Variants in CSMD1 observed in about 807,000 individuals in gnomAD.
The protein encoded by CSMD1 is CUB and Sushi multiple domains 1, also known as CUB and sushi domain-containing protein 1.
In CSMD1, 213 loss-of-function variants were observed where a neutral mutation model predicts 417.5. The observed-to-expected ratio is 0.51, with a 90% CI of 0.46 to 0.57. The LOEUF is 0.57. CSMD1 is among the 20% of genes least tolerant of loss of function. CSMD1 has a pLI of 0.00. For missense variants in CSMD1, 6,923 were observed against 4,529.7 expected (o/e 1.53, Z -15.17); for synonymous variants, 2,862 against 1,736.8 (o/e 1.65, Z -16.11).
rs369089330 is a variant in CSMD1 at position 3,229,985 on chromosome 8, C to A, written c.4345+55G>T. 1.3e-5 allele frequency: 17 copies of A among 1,271,316 alleles called. No individual in the cohort carries two copies. The African/African-American group carries it at 2.3e-4, about 17-fold the overall frequency. 78.8% of individuals were successfully genotyped at this position (1,271,316 alleles called of 1,614,324 possible). ...TAATACATTTACGGAGCGCTTTTAA[C>A]GACAACATGCATCCATTCCTGAATA... On this transcript the variant is annotated intron_variant, in intron 27 of 69. Transcript: ENST00000635120.
intron 5 of CSMD1, among the ~76,000 whole-genome samples, chr8:3,923,315 T>C (rs1278301528): frequency 6.6e-6 from 1 of 152,198 alleles, no homozygotes; most frequent in African/African-American, 2.4e-5. Flanking sequence ...GGAGTTTATG[T>C]ATGTATATAT....
intron 18 of CSMD1, chr8:3,375,049 G>C (rs1215643886): frequency 1.3e-5 from 2 of 152,202 alleles, no homozygotes; most frequent in African/African-American, 2.4e-5. Context: ...TGATACACCT[G>C]CTAGCTCCCT....
At chr8:4,118,074 T>G (rs1432735399) in intron 3 of CSMD1, among the ~76,000 whole-genome samples, 2 of 151,922 alleles carry the variant, frequency 1.3e-5, no homozygotes, top group African/African-American at 4.8e-5. Flanking sequence ...ACATCGGCCA[T>G]ATGATTAGAC....
At chr8:4,668,636 G>C (rs573491413) in intron 1 of CSMD1, among the ~76,000 whole-genome samples, 68 of 151,764 alleles carry the variant, frequency 4.5e-4, no homozygotes, top group Non-Finnish European at 8.1e-4. Flanking sequence ...ATTTTTAGTA[G>C]AGATGGGGTT....
chr8:3,495,367 T>G (rs974071698), intron 10 of CSMD1, among the ~76,000 whole-genome samples: 3 of 152,184 alleles, frequency 2.0e-5, no homozygotes, highest in Admixed American at 6.5e-5. Flanking sequence ...GATAATTCAT[T>G]AAGGTTTGTG....
At chr8:3,178,566 T>A (rs550792547) in intron 37 of CSMD1, among the ~76,000 whole-genome samples, 1 of 152,164 alleles carries the variant, frequency 6.6e-6, no homozygotes, top group Non-Finnish European at 1.5e-5. Flanking sequence ...ATGCCATCTG[T>A]TATTAACAGT....
At chr8:3,405,400 C>A (rs575720837) in intron 15 of CSMD1, among the ~76,000 whole-genome samples, 5 of 152,132 alleles carry the variant, frequency 3.3e-5, no homozygotes, top group Admixed American at 2.0e-4. Context: ...GTAACCAGAA[C>A]AGAAATATGA....
At chr8:4,824,142 G>C (rs1799679899) in intron 1 of CSMD1, among the ~76,000 whole-genome samples, 2 of 151,256 alleles carry the variant, frequency 1.3e-5, no homozygotes, top group Non-Finnish European at 3.0e-5. Context: ...GTAAGGAAAT[G>C]GGGAAAAACA....
At chr8:3,318,866 G>A (rs1805960551) in intron 23 of CSMD1, among the ~76,000 whole-genome samples, 1 of 152,118 alleles carries the variant, frequency 6.6e-6, no homozygotes, top group Middle Eastern at 3.2e-3. Flanking sequence ...CTTTCCACGG[G>A]GCAGGTGGGT....
At chr8:4,744,174 C>T (rs1475127948) in intron 1 of CSMD1, among the ~76,000 whole-genome samples, 2 of 151,854 alleles carry the variant, frequency 1.3e-5, no homozygotes, top group African/African-American at 4.8e-5. Flanking sequence ...GCGTCGCAGT[C>T]CAGGCCAAAC....
intron 3 of CSMD1, among the ~76,000 whole-genome samples, chr8:4,403,587 C>G (rs1338962357): frequency 6.6e-6 from 1 of 152,154 alleles, no homozygotes. Context: ...ACTTCTAGGA[C>G]AGTACACACT....
At chr8:4,093,556 T>C (rs552309417) in intron 3 of CSMD1, among the ~76,000 whole-genome samples, 10 of 152,316 alleles carry the variant, frequency 6.6e-5, no homozygotes, top group Admixed American at 3.9e-4. Flanking sequence ...CTCTTTTATA[T>C]AGAACACCAC....
intron 3 of CSMD1, among the ~76,000 whole-genome samples, chr8:4,248,134 G>A (rs1802823273): frequency 1.3e-5 from 2 of 151,870 alleles, no homozygotes; most frequent in African/African-American, 4.8e-5. Context: ...AAACAAATGG[G>A]CTATTTTGTA....
In CSMD1 at chr8:2,942,485, G is replaced by C. The variant is rs1438665213; in HGVS notation, c.10522C>G (p.Leu3508Val). The change falls in exon 69 of 70, where the codon CTC (leucine) becomes GTC (valine). Residue 3508 changes from leucine (L) to valine (V), a missense_variant. Leu to Val is a conservative substitution (Grantham distance 32). Transcript: ENST00000635120. ...ALILSGFAFY[L>V]YKHRTRPKVQ... The stretch of plus-strand genomic sequence containing the variant: ...TTTCTGCAGTACCTGTGTTTGTAGA[G>C]GTAAAATGCAAACCCTGATAAAATT... 1.2e-6 allele frequency: 2 copies of C among 1,612,732 alleles called. No homozygotes were observed. The highest frequency in any genetic ancestry group is 1.1e-5 in the South Asian group (1 of 90,880).
At chr8:3,936,250 AG>A (rs1810483587) in intron 5 of CSMD1, among the ~76,000 whole-genome samples, 1 of 152,102 alleles carries the variant, frequency 6.6e-6, no homozygotes, top group African/African-American at 2.4e-5. Context: ...GATGATGGAA[AG>A]CTACAGCAAG....
Position 4,994,543 on chromosome 8 carries a change from C to A in CSMD1, c.-127G>T. The A allele has an allele frequency of 1.2e-6, 1 of 829,304 alleles. No homozygotes were observed. Among genetic ancestry groups the A allele is most frequent in the Non-Finnish European group, 1.9e-6 (1 of 521,084 alleles). 51.4% of individuals were successfully genotyped at this position (829,304 alleles called of 1,614,324 possible). A position where few individuals can be genotyped will look rare whatever the true frequency, so the allele number is the denominator to read the frequency against. On this transcript the variant is annotated 5_prime_UTR_variant, in exon 1 of 70. Coordinates refer to ENST00000635120, the MANE Select transcript of CSMD1 (RefSeq NM_033225.6). ...GAGAGAGCCCGGTCCCAAGACCCGC[C>A]GCGCATCCGACGCCTCCTGAAGGTC... is the stretch of plus-strand genomic sequence containing the variant.
At chr8:3,225,722 A>G (rs1264123531) in intron 27 of CSMD1, among the ~76,000 whole-genome samples, 1 of 152,248 alleles carries the variant, frequency 6.6e-6, no homozygotes, top group Non-Finnish European at 1.5e-5. Context: ...TGATCCCAGG[A>G]GGCACTTTCA....
At chr8:3,103,224 A>G (rs1055576514) in intron 46 of CSMD1, among the ~76,000 whole-genome samples, 15 of 152,358 alleles carry the variant, frequency 9.8e-5, no homozygotes, top group Admixed American at 7.8e-4. Context: ...TGGTCTGGCG[A>G]TAATTTCCAG....
chr8:3,465,719 G>T (rs965096070), intron 12 of CSMD1, among the ~76,000 whole-genome samples: 12 of 152,158 alleles, frequency 7.9e-5, no homozygotes, highest in Admixed American at 4.6e-4. Flanking sequence ...GTGGCCTTTG[G>T]TAATGAGTGA....
Sources: gnomAD v4.1 joint callset for allele counts (sites outside exome capture counted in the v4.1 genomes callset) on GRCh38, gnomAD v4.1.1 for gene constraint, MANE v1.5 for transcripts, NCBI Gene and HGNC (gene_info 2026-07-23, HGNC 2026-07-21) for gene names.